Variants in PAK4 observed in about 807,000 individuals in gnomAD.
The protein encoded by PAK4 is serine/threonine-protein kinase PAK 4.
In PAK4, 49 loss-of-function variants were observed where a neutral mutation model predicts 53.5. The observed-to-expected ratio is 0.92, with a 90% confidence interval of 0.73 to 1.16. The LOEUF is 1.16. Among genes scored for constraint, PAK4 ranks in the 50% most tolerant of loss-of-function variants. The pLI is 0.00. For synonymous variants in PAK4, 376 were observed against 375.6 expected, an observed-to-expected ratio of 1.00 and a Z score of -0.01; for missense variants, 824 against 850.7, an observed-to-expected ratio of 0.97 and a Z score of 0.39.
intron 2 of PAK4, among the ~76,000 whole-genome samples, chr19:39,172,173 G>A (rs1171790242): frequency 6.6e-6 from 1 of 151,618 alleles, no homozygotes; most frequent in Non-Finnish European, 1.5e-5. Flanking sequence ...GACCCTGAGA[G>A]CTGATGTTCC....
intron 8 of PAK4, 59 bp downstream of exon 9, chr19:39,177,868 T>C: frequency 6.4e-7 from 1 of 1,563,394 alleles, no homozygotes; most frequent in Non-Finnish European, 8.7e-7. Flanking sequence ...GGGCTCCAGG[T>C]GGAGCATGGG....
chr19:39,173,431 TC>T lies in PAK4; in HGVS notation c.663+59del. The T allele has an allele frequency of 7.1e-7, 1 of 1,408,252 alleles. No homozygotes were observed. Among genetic ancestry groups the T allele is most frequent in the Non-Finnish European group, 9.5e-7 (1 of 1,052,554 alleles). 87.2% of individuals were successfully genotyped at this position (1,408,252 alleles called of 1,614,324 possible). A position where few individuals can be genotyped will look rare whatever the true frequency, so the allele number is the denominator to read the frequency against. ...CTGTCCCCTGCCCGTTGCTCCTCTGTCCCCACCTTCCAGCCCCGCCCCACCA... is the reference window on the plus strand; with the variant it reads ...CTGTCCCCTGCCCGTTGCTCCTCTGTCCCACCTTCCAGCCCCGCCCCACCA... On this transcript the variant is annotated intron_variant, in intron 3 of 8. Coordinates refer to ENST00000358301, the Ensembl canonical transcript of PAK4. The surrounding 1 kb of genome is among the most constrained non-coding windows in gnomAD (Gnocchi z 6.9).
intron 1 of PAK4, among the ~76,000 whole-genome samples, chr19:39,146,889 G>A (rs2074007559): frequency 1.3e-5 from 2 of 151,034 alleles, no homozygotes; most frequent in Admixed American, 1.3e-4. Context: ...GGGAGGGAGG[G>A]AGAGGGGGGA....
chr19:39,173,401 C>T lies in PAK4; in HGVS notation c.663+25C>T, dbSNP rs1337776010. 2 of 1,479,428 alleles carry T rather than the reference C, an allele frequency of 1.4e-6. No homozygotes were observed. Among genetic ancestry groups the T allele is most frequent in the Non-Finnish European group, 1.8e-6 (2 of 1,106,426 alleles). 91.6% of individuals were successfully genotyped at this position (1,479,428 alleles called of 1,614,324 possible). ...GGTAACCCATCCCCCGCCCCAGGGC[C>T]CCCACTGTCCCCTGCCCGTTGCTCC... is the stretch of plus-strand genomic sequence containing the variant. On this transcript the variant is annotated intron_variant, in intron 3 of 8. Coordinates refer to ENST00000358301, the Ensembl canonical transcript of PAK4. This position sits in a 1 kb window ranked among gnomAD's most constrained non-coding sequence, Gnocchi z 6.9.
chr19:39,165,716 C>T (rs1419325346), intron 1 of PAK4, among the ~76,000 whole-genome samples: 1 of 152,086 alleles, frequency 6.6e-6, no homozygotes, highest in East Asian at 1.9e-4. Flanking sequence ...CTGTCCATGC[C>T]CTGGACAAGG....
At chr19:39,181,403 G>C (rs1489609039), downstream of PAK4, 1 of 152,238 alleles carries the variant, frequency 6.6e-6, no homozygotes, top group Non-Finnish European at 1.5e-5. Context: ...CCGGTGGTTG[G>C]ATCATGACAA....
intron 1 of PAK4, among the ~76,000 whole-genome samples, chr19:39,151,153 G>A (rs536912951): frequency 6.6e-6 from 1 of 152,272 alleles, no homozygotes; most frequent in African/African-American, 2.4e-5. Context: ...TAGCAGGAGA[G>A]GATACAATCA....
downstream of PAK4, chr19:39,182,698 A>G (rs974102219): frequency 5.9e-5 from 9 of 152,014 alleles, no homozygotes; most frequent in African/African-American, 1.9e-4. Context: ...GGGCGCCTGT[A>G]ATCCCAGCTC....
At chr19:39,174,084 C>T (rs1568529380) in intron 4 of PAK4, 74 bp downstream of exon 5, 2 of 945,248 alleles carry the variant, frequency 2.1e-6, no homozygotes, top group East Asian at 2.6e-5. Flanking sequence ...CCTCCTCCCT[C>T]CTCTCCCTGC....
intron 2 of PAK4, among the ~76,000 whole-genome samples, chr19:39,170,905 C>T (rs899981745): frequency 1.3e-5 from 2 of 152,240 alleles, no homozygotes; most frequent in African/African-American, 2.4e-5. Flanking sequence ...GCTGCCTCCA[C>T]GGGCAGGGCA....
intron 4 of PAK4, 151 bp downstream of exon 5, chr19:39,174,161 C>A (rs1048302998): frequency 2.9e-5 from 18 of 621,564 alleles, no homozygotes; most frequent in Non-Finnish European, 4.3e-5. Flanking sequence ...CCGTCTCGTC[C>A]GCCCCAGCTG....
chr19:39,159,231 C>T (rs1395125552), intron 1 of PAK4, among the ~76,000 whole-genome samples: 1 of 152,146 alleles, frequency 6.6e-6, no homozygotes, highest in East Asian at 1.9e-4. Flanking sequence ...CCCTGTACTG[C>T]GCCAGGCCTC....
intron 1 of PAK4, among the ~76,000 whole-genome samples, chr19:39,126,664 T>A (rs556729766): frequency 1.7e-3 from 262 of 152,252 alleles, no homozygotes; most frequent in Non-Finnish European, 2.9e-3. Flanking sequence ...ACCCGATGCA[T>A]AAGTTGTGCG....
chr19:39,125,875 T>A (rs942974950), exon 1 of PAK4: 1 of 152,958 alleles, frequency 6.5e-6, no homozygotes, highest in Non-Finnish European at 1.5e-5. Flanking sequence ...GGCGCGGAGT[T>A]CCAGGTCGAG....
In PAK4 at chr19:39,173,555, G is replaced by A. The variant is rs374427539; in HGVS notation, c.664-21G>A. On this transcript the variant is annotated intron_variant, in intron 3 of 8. Coordinates refer to ENST00000358301, the Ensembl canonical transcript of PAK4. This position sits in a 1 kb window ranked among gnomAD's most constrained non-coding sequence, Gnocchi z 6.9. ...TGCTCCCTGGCACCCATCACTGACAGCTACCTCTCTTCTGTTTCAGGGGGA... is the reference window on the plus strand; with the variant it reads ...TGCTCCCTGGCACCCATCACTGACAACTACCTCTCTTCTGTTTCAGGGGGA... 4.4e-5 allele frequency: 66 copies of A among 1,511,514 alleles called. No individual in the cohort carries two copies. In the African/African-American group the frequency reaches 6.7e-4, roughly 15 times the overall value. 93.6% of individuals were successfully genotyped at this position (1,511,514 alleles called of 1,614,324 possible).
At chr19:39,168,685 G>A (rs1470868842) in intron 1 of PAK4, 1 of 152,212 alleles carries the variant, frequency 6.6e-6, no homozygotes, top group African/African-American at 2.4e-5. Flanking sequence ...TTTTTAAAGT[G>A]GCTTTGGTCG....
At chr19:39,164,024 C>T (rs1451315089) in intron 1 of PAK4, among the ~76,000 whole-genome samples, 1 of 152,188 alleles carries the variant, frequency 6.6e-6, no homozygotes, top group East Asian at 1.9e-4. Flanking sequence ...CGCCTGTAAT[C>T]CCAACACTTT....
At position 39,173,339 on chromosome 19, in the gene PAK4, C is replaced by G. The variant is rs1189702999; in HGVS notation, c.626C>G (p.Pro209Arg). ...GCTGGCCGGCCCTTTAACACCTACC[C>G]GAGGGCTGACACGGACCACCCATCC... The change falls in exon 3 of 9, where the codon CCG becomes CGG. Residue 209 changes from proline (P) to arginine (R), a missense_variant. Coordinates refer to ENST00000358301, the Ensembl canonical transcript of PAK4. This position sits in a 1 kb window ranked among gnomAD's most constrained non-coding sequence, Gnocchi z 6.9. The G allele has an allele frequency of 1.3e-6, 2 of 1,569,748 alleles. No individual in the cohort carries two copies. The highest frequency in any genetic ancestry group is 4.5e-5 in the East Asian group (2 of 44,180).
chr19:39,126,158 C>T (rs2073572554), intron 1 of PAK4, among the ~76,000 whole-genome samples: 2 of 151,574 alleles, frequency 1.3e-5, no homozygotes, highest in Admixed American at 6.6e-5. Context: ...GAAGTGGGGG[C>T]GCGTTCGAGG....
Sources: gnomAD v4.1 joint callset for allele counts (sites outside exome capture counted in the v4.1 genomes callset) on GRCh38, gnomAD v4.1.1 for gene constraint, Gnocchi (gnomAD v3.1) non-coding constraint, MANE v1.5 for transcripts, NCBI Gene and HGNC (gene_info 2026-07-23, HGNC 2026-07-21) for gene names.